Variants in MICU1 observed in about 807,000 individuals in gnomAD.
The protein encoded by MICU1 is calcium uptake protein 1, mitochondrial.
Under a neutral mutation model 56.8 loss-of-function variants are expected in MICU1, and 45 were observed. The observed-to-expected ratio is 0.79, with a 90% confidence interval of 0.62 to 1.02. The LOEUF is 1.02. MICU1 is among the 50% of genes least tolerant of loss of function. MICU1 has a pLI of 0.00. For synonymous variants in MICU1, 186 were observed against 195.1 expected, an observed-to-expected ratio of 0.95 and a Z score of 0.39; for missense variants, 504 against 587.1, an observed-to-expected ratio of 0.86 and a Z score of 1.46.
chr10:72,429,419 CAAAA>C (rs34154785), intron 8 of MICU1, among the ~76,000 whole-genome samples: 1 of 113,390 alleles, frequency 8.8e-6, no homozygotes. Context: ...GATCCTGCCT[CAAAA>C]AAAAAAAAAA....
chr10:72,600,913 A>G (rs1194428567), intron 1 of MICU1, among the ~76,000 whole-genome samples: 2 of 152,226 alleles, frequency 1.3e-5, no homozygotes, highest in East Asian at 1.9e-4. Flanking sequence ...GCATAATTTC[A>G]TCTATTCAAG....
intron 1 of MICU1, among the ~76,000 whole-genome samples, chr10:72,573,739 A>G (rs774769364): frequency 6.6e-6 from 1 of 152,196 alleles, no homozygotes; most frequent in African/African-American, 2.4e-5. Context: ...TTTTTCATTT[A>G]AGTAAAAATA....
At chr10:72,384,105 C>T (rs1862809527) in intron 10 of MICU1, among the ~76,000 whole-genome samples, 1 of 152,176 alleles carries the variant, frequency 6.6e-6, no homozygotes, top group Admixed American at 6.5e-5. Flanking sequence ...ATGATCCTCC[C>T]GCCTCAGCCT....
In MICU1 at chr10:72,617,935, G is replaced by A. The variant is rs570782334; in HGVS notation, c.-2+8075C>T. Among the ~76,000 whole-genome samples the A allele has an allele frequency of 3.9e-5, 6 of 152,284 alleles. No homozygotes were observed. In the East Asian group the frequency reaches 1.2e-3, roughly 29 times the overall value. ...AATCCTTGCACTTTGGGAGGCCAAG[G>A]TGGGCAGATTACTTGAGGTCAGGAG... On this transcript the variant is annotated intron_variant, in intron 1 of 11. Transcript: ENST00000361114.
At chr10:72,514,756 G>A (rs1867594203) in intron 5 of MICU1, among the ~76,000 whole-genome samples, 1 of 152,068 alleles carries the variant, frequency 6.6e-6, no homozygotes, top group African/African-American at 2.4e-5. Flanking sequence ...GCTTGCATGG[G>A]GCTTAAATGT....
chr10:72,475,974 C>A, intron 7 of MICU1: 1 of 443,116 alleles, frequency 2.3e-6, no homozygotes, highest in Non-Finnish European at 4.5e-6. Context: ...TGCCTATAAT[C>A]CCAGCACTTT....
chr10:72,428,379 G>A (rs1330769432), intron 8 of MICU1, among the ~76,000 whole-genome samples: 4 of 152,118 alleles, frequency 2.6e-5, no homozygotes, highest in East Asian at 1.9e-4. Flanking sequence ...GCAATGGCGC[G>A]ATCTCCACTG....
intron 8 of MICU1, among the ~76,000 whole-genome samples, chr10:72,449,437 T>C (rs759015362): frequency 3.9e-5 from 6 of 152,014 alleles, no homozygotes; most frequent in African/African-American, 1.4e-4. Context: ...AGGGTCTCAC[T>C]ATGTTGCCCA....
At chr10:72,540,667 C>T (rs181403125) in intron 4 of MICU1, among the ~76,000 whole-genome samples, 1 of 152,254 alleles carries the variant, frequency 6.6e-6, no homozygotes, top group South Asian at 2.1e-4. Context: ...GAGCAAGACC[C>T]TGTCTCTAAA....
chr10:72,398,722 C>A (rs984256673), intron 10 of MICU1, among the ~76,000 whole-genome samples: 2 of 152,126 alleles, frequency 1.3e-5, no homozygotes, highest in African/African-American at 2.4e-5. Flanking sequence ...GACACATACA[C>A]CCTCCCAAGA....
At chr10:72,589,308 C>T (rs1463150179) in intron 1 of MICU1, among the ~76,000 whole-genome samples, 2 of 150,948 alleles carry the variant, frequency 1.3e-5, no homozygotes, top group African/African-American at 4.9e-5. Flanking sequence ...AAAAAAAGGA[C>T]ATAATGGTAG....
At chr10:72,428,949 T>C (rs1864436767) in intron 8 of MICU1, among the ~76,000 whole-genome samples, 1 of 152,242 alleles carries the variant, frequency 6.6e-6, no homozygotes, top group Admixed American at 6.5e-5. Context: ...ATCCAAATTC[T>C]GGCCTGAACC....
chr10:72,456,948 T>C (rs548834952), intron 8 of MICU1, among the ~76,000 whole-genome samples: 2 of 36,428 alleles, frequency 5.5e-5, no homozygotes, highest in African/African-American at 8.8e-5. Flanking sequence ...ATTGCCCAGG[T>C]GTGTGTGTGT....
chr10:72,404,318 C>T (rs1863559405), intron 10 of MICU1, among the ~76,000 whole-genome samples: 4 of 152,128 alleles, frequency 2.6e-5, no homozygotes, highest in Admixed American at 2.6e-4. Context: ...TATAGCTTCA[C>T]AAGCTTACCT....
intron 1 of MICU1, among the ~76,000 whole-genome samples, chr10:72,598,412 C>T (rs1345675118): frequency 2.0e-5 from 3 of 151,990 alleles, no homozygotes; most frequent in Admixed American, 6.6e-5. Flanking sequence ...CCCGCCACCA[C>T]GTCTGGCTGA....
At chr10:72,594,458 C>T (rs1481496057) in intron 1 of MICU1, among the ~76,000 whole-genome samples, 2 of 151,744 alleles carry the variant, frequency 1.3e-5, no homozygotes, top group Non-Finnish European at 2.9e-5. Context: ...CCTAGAAAAC[C>T]TAGATAGGGA....
At chr10:72,461,600 T>C (rs1006671598) in intron 8 of MICU1, among the ~76,000 whole-genome samples, 4 of 152,256 alleles carry the variant, frequency 2.6e-5, no homozygotes, top group African/African-American at 9.6e-5. Flanking sequence ...CTCATCTTTG[T>C]ATCTTAAGCA....
intron 8 of MICU1, among the ~76,000 whole-genome samples, chr10:72,449,891 G>T (rs923373143): frequency 6.6e-6 from 1 of 152,134 alleles, no homozygotes; most frequent in African/African-American, 2.4e-5. Context: ...TGATACCCCA[G>T]AATGTGCCTA....
chr10:72,498,170 AGAAGAAG>A (rs1866909149), intron 6 of MICU1, among the ~76,000 whole-genome samples: 1 of 152,248 alleles, frequency 6.6e-6, no homozygotes, highest in Non-Finnish European at 1.5e-5. Context: ...AAGTCAGATG[AGAAGAAG>A]GAATACTTTT....
Sources: gnomAD v4.1 joint callset for allele counts (sites outside exome capture counted in the v4.1 genomes callset) on GRCh38, gnomAD v4.1.1 for gene constraint, MANE v1.5 for transcripts, NCBI Gene and HGNC (gene_info 2026-07-23, HGNC 2026-07-21) for gene names.